The following PARD3B variants were observed in gnomAD, a reference collection of about 807,000 sequenced individuals.
The protein encoded by PARD3B is par-3 family cell polarity regulator beta, also known as partitioning defective 3 homolog B.
PARD3B carries 103 observed loss-of-function variants against 130.2 expected under a neutral mutation model. The ratio of observed to expected loss-of-function variants is 0.79; its 90% CI spans 0.67 to 0.93. PARD3B has a LOEUF of 0.93. Ranked by LOEUF, PARD3B falls within the 40% of genes least tolerant of loss-of-function variation. PARD3B has a pLI of 0.00. For missense variants in PARD3B, 1,609 were observed against 1,499.2 expected, an observed-to-expected ratio of 1.07 and a Z score of -1.21; for synonymous variants, 583 against 553.2, an observed-to-expected ratio of 1.05 and a Z score of -0.76.
intron 18 of PARD3B, among the ~76,000 whole-genome samples, chr2:205,368,482 A>G (rs1029537454): frequency 6.6e-6 from 1 of 152,056 alleles, no homozygotes; most frequent in Non-Finnish European, 1.5e-5. Context: ...AAAATACAAA[A>G]TTAGCCGTGC....
intron 21 of PARD3B, among the ~76,000 whole-genome samples, chr2:205,523,538 T>TATCA (rs1276857180): frequency 5.3e-5 from 8 of 152,204 alleles, no homozygotes; most frequent in Middle Eastern, 3.4e-3. Context: ...CTATTTTCTC[T>TATCA]ATCAGTCAAC....
intron 3 of PARD3B, among the ~76,000 whole-genome samples, chr2:205,045,344 G>T (rs999588981): frequency 6.6e-6 from 1 of 151,716 alleles, no homozygotes; most frequent in Non-Finnish European, 1.5e-5. Flanking sequence ...CGCCTCCCGG[G>T]TTCAAGTGAT....
chr2:205,035,986 T>G (rs1054512534), intron 3 of PARD3B, among the ~76,000 whole-genome samples: 1 of 144,490 alleles, frequency 6.9e-6, no homozygotes, highest in African/African-American at 2.5e-5. Context: ...ATATATATAG[T>G]AGAATATATA....
At chr2:205,547,786 T>A (rs1392192007) in intron 21 of PARD3B, among the ~76,000 whole-genome samples, 1 of 152,188 alleles carries the variant, frequency 6.6e-6, no homozygotes, top group African/African-American at 2.4e-5. Flanking sequence ...CTTGCCATAA[T>A]AAACAGCGGA....
chr2:205,197,600 G>A (rs1273474103), intron 15 of PARD3B, among the ~76,000 whole-genome samples: 3 of 152,146 alleles, frequency 2.0e-5, no homozygotes, highest in Non-Finnish European at 4.4e-5. Context: ...TGGCATGCAT[G>A]TGGTCACATT....
intron 21 of PARD3B, among the ~76,000 whole-genome samples, chr2:205,546,399 C>CTACAT (rs1199245506): frequency 6.6e-6 from 1 of 151,064 alleles, no homozygotes; most frequent in African/African-American, 2.4e-5. Context: ...ATTTAGGTCA[C>CTACAT]TACATTAAAA....
chr2:205,488,086 A>G (rs1189238458), intron 20 of PARD3B, among the ~76,000 whole-genome samples: 2 of 152,194 alleles, frequency 1.3e-5, no homozygotes, highest in African/African-American at 4.8e-5. Context: ...TCCTTTGAGA[A>G]AACCTATAGT....
chr2:205,070,958 G>T (rs6708644), intron 4 of PARD3B, among the ~76,000 whole-genome samples: 62,259 of 151,688 alleles, frequency 0.41, 13,139 homozygotes, highest in East Asian at 0.55. Context: ...TATAACTGGG[G>T]CTATTTGATT....
In PARD3B at chr2:204,934,548, T is replaced by C. The variant is rs548653547; in HGVS notation, c.223-30604T>C. Among the ~76,000 whole-genome samples, 60 of 152,174 alleles carry C rather than the reference T, an allele frequency of 3.9e-4. 1 individual carries two copies. The highest frequency in any genetic ancestry group is 2.4e-4 in the Non-Finnish European group (16 of 68,042). ...GACGTGTCCCTTGAATTAGCAGATA[T>C]GCCTCTTTATGCTCAGTTATAGAAT... On this transcript the variant is annotated intron_variant, in intron 2 of 22. Coordinates refer to ENST00000406610, the MANE Select transcript of PARD3B (RefSeq NM_001302769.2).
chr2:205,162,204 A>G (rs527864720), intron 11 of PARD3B, among the ~76,000 whole-genome samples: 1 of 152,214 alleles, frequency 6.6e-6, no homozygotes, highest in Non-Finnish European at 1.5e-5. Flanking sequence ...CAACAGAACA[A>G]TAATTCTACC....
At chr2:205,090,031 G>T (rs1287360034) in intron 4 of PARD3B, among the ~76,000 whole-genome samples, 2 of 152,160 alleles carry the variant, frequency 1.3e-5, no homozygotes, top group Non-Finnish European at 2.9e-5. Flanking sequence ...GTGCATCAAC[G>T]GAGTACCCTC....
intron 2 of PARD3B, among the ~76,000 whole-genome samples, chr2:204,750,625 CATACAT>C (rs2040426540): frequency 4.7e-5 from 7 of 149,440 alleles, no homozygotes; most frequent in African/African-American, 1.3e-4. Context: ...TACATACATA[CATACAT>C]ACACACACAC....
intron 2 of PARD3B, among the ~76,000 whole-genome samples, chr2:204,802,160 C>T (rs80346501): frequency 8.4e-4 from 127 of 152,058 alleles, no homozygotes; most frequent in East Asian, 7.6e-3. Flanking sequence ...AGAAAACAAC[C>T]GCATCAAAAA....
intron 15 of PARD3B, among the ~76,000 whole-genome samples, chr2:205,214,890 A>G (rs977829372): frequency 2.6e-5 from 4 of 152,114 alleles, no homozygotes; most frequent in Non-Finnish European, 5.9e-5. Flanking sequence ...TCCGTGACCA[A>G]GCTATAATTT....
chr2:205,185,458 A>T (rs2036042122), intron 13 of PARD3B, among the ~76,000 whole-genome samples: 1 of 152,218 alleles, frequency 6.6e-6, no homozygotes. Context: ...ATCTTCCACA[A>T]ATCACAGGTA....
At chr2:205,536,430 A>G (rs1158161651) in intron 21 of PARD3B, among the ~76,000 whole-genome samples, 1 of 152,102 alleles carries the variant, frequency 6.6e-6, no homozygotes, top group Non-Finnish European at 1.5e-5. Flanking sequence ...GCTCCTAAGG[A>G]AAGATGATTC....
chr2:205,338,011 G>A (rs761020586), intron 18 of PARD3B, among the ~76,000 whole-genome samples: 13 of 152,010 alleles, frequency 8.6e-5, no homozygotes, highest in South Asian at 2.1e-4. Flanking sequence ...AAAATTAGCC[G>A]GGCATGGTGG....
chr2:204,771,341 C>T (rs533077858), intron 2 of PARD3B, among the ~76,000 whole-genome samples: 2 of 152,178 alleles, frequency 1.3e-5, no homozygotes, highest in East Asian at 3.9e-4. Flanking sequence ...GTGGTGACCA[C>T]AGGCACTCAC....
chr2:204,626,725 T>C (rs544117511), intron 1 of PARD3B, among the ~76,000 whole-genome samples: 2 of 152,258 alleles, frequency 1.3e-5, no homozygotes, highest in South Asian at 2.1e-4. Flanking sequence ...TTCAATAATA[T>C]CAGTTTTGTG....
Sources: allele counts gnomAD v4.1 joint callset (sites outside exome capture counted in the v4.1 genomes callset), GRCh38; gene constraint gnomAD v4.1.1; transcripts MANE v1.5; gene names NCBI Gene and HGNC (gene_info 2026-07-23, HGNC 2026-07-21).